The following RNF170 variants were observed in gnomAD, a reference collection of about 807,000 sequenced individuals.
The protein encoded by RNF170 is E3 ubiquitin-protein ligase RNF170.
Under a neutral mutation model 32.7 loss-of-function variants are expected in RNF170, and 12 were observed. The ratio of observed to expected loss-of-function variants is 0.37; its 90% CI spans 0.24 to 0.60. RNF170 has a LOEUF of 0.60. RNF170 is among the 20% of genes least tolerant of loss of function. RNF170 has a pLI of 0.72. For synonymous variants in RNF170, 91 were observed against 103.6 expected, an observed-to-expected ratio of 0.88 and a Z score of 0.74; for missense variants, 212 against 311.2, an observed-to-expected ratio of 0.68 and a Z score of 2.40.
chr8:42,876,898 G>A lies in RNF170; in HGVS notation c.138-2892C>T, dbSNP rs554965798. On this transcript the variant is annotated intron_variant, in intron 2 of 6. Transcript: ENST00000527424. ...TCTCAATCTCCTGACCTCATGATCT[G>A]CCCGCCTTGGACTCCCAAAATGCTG... is the stretch of plus-strand genomic sequence containing the variant. Among the ~76,000 whole-genome samples, 285 of 150,600 alleles carry A rather than the reference G, an allele frequency of 1.9e-3. 2 individuals are homozygous for A. The highest frequency in any genetic ancestry group is 2.1e-3 in the Non-Finnish European group (142 of 67,820).
chr8:42,894,034 G>T (rs1275874945), intron 1 of RNF170, among the ~76,000 whole-genome samples: 1 of 152,162 alleles, frequency 6.6e-6, no homozygotes, highest in African/African-American at 2.4e-5. Flanking sequence ...GGAAATTCCG[G>T]GACTTCCTGG....
rs1458578904 is a variant in RNF170 at position 42,888,778 on chromosome 8, C to G, written c.-7-907G>C. 2.7e-5 allele frequency among the ~76,000 whole-genome samples: 4 copies of G among 147,652 alleles called. No homozygotes were observed. The South Asian group carries it at 8.8e-4, about 33-fold the overall frequency. ...TGTCCCCCGCCCCCCAACCTCCCCA[C>G]CCCCCAACCAAAAACAATAAATAAA... On this transcript the variant is annotated intron_variant, in intron 1 of 6. Coordinates refer to ENST00000527424, the MANE Select transcript of RNF170 (RefSeq NM_030954.4).
At chr8:42,884,893 A>AGG (rs1805691526) in intron 2 of RNF170, among the ~76,000 whole-genome samples, 1 of 1,968 alleles carries the variant, frequency 5.1e-4, no homozygotes. Context: ...GTAGAGACGG[A>AGG]GTTTCATCAT....
Position 42,853,555 on chromosome 8 carries a change from GTTA to G in RNF170, c.*2601_*2603del. The G allele has an allele frequency of 7.8e-7, 1 of 1,287,136 alleles. No homozygotes were observed. Among genetic ancestry groups the G allele is most frequent in the Non-Finnish European group, 1.0e-6 (1 of 988,660 alleles). The allele number at this position is 1,287,136 out of a possible 1,614,324, so 79.7% of individuals were successfully genotyped here. A position where few individuals can be genotyped will look rare whatever the true frequency, so the allele number is the denominator to read the frequency against. ...TCTTGTTCCCCACAGAGCTGCCCAA[GTTA>G]TTATCTGCTCCTGGGGTTGGACCAT... On this transcript the variant is annotated 3_prime_UTR_variant, in exon 7 of 7. Coordinates refer to ENST00000527424, the MANE Select transcript of RNF170 (RefSeq NM_030954.4).
chr8:42,851,488 C>T (rs964385689), downstream of RNF170, among the ~76,000 whole-genome samples: 4 of 151,580 alleles, frequency 2.6e-5, no homozygotes, highest in East Asian at 1.9e-4. Flanking sequence ...TCGCTTGAGC[C>T]CAGGAAGCGG....
Position 42,853,714 on chromosome 8 carries a change from A to G in RNF170, c.*2445T>C. ...AACTCTGATTGACTCTACTTGCTTT[A>G]AAAACTCTCAGATCCCTTCTGCATT... is the stretch of plus-strand genomic sequence containing the variant. On this transcript the variant is annotated 3_prime_UTR_variant, in exon 7 of 7. Coordinates refer to ENST00000527424, the MANE Select transcript of RNF170 (RefSeq NM_030954.4). 8 of 1,287,228 alleles carry G rather than the reference A, an allele frequency of 6.2e-6. No individual in the cohort carries two copies. The highest frequency in any genetic ancestry group is 8.1e-6 in the Non-Finnish European group (8 of 988,682). 79.7% of individuals were successfully genotyped at this position (1,287,228 alleles called of 1,614,324 possible). A position where few individuals can be genotyped will look rare whatever the true frequency, so the allele number is the denominator to read the frequency against.
chr8:42,877,734 A>G (rs1287771695), intron 2 of RNF170, among the ~76,000 whole-genome samples: 1 of 152,228 alleles, frequency 6.6e-6, no homozygotes, highest in African/African-American at 2.4e-5. Context: ...TTCCTTACAT[A>G]TAAGACAAAA....
chr8:42,892,989 A>G (rs1403785897), intron 1 of RNF170, among the ~76,000 whole-genome samples: 2 of 152,178 alleles, frequency 1.3e-5, no homozygotes, highest in Non-Finnish European at 2.9e-5. Context: ...CTTGTCTCAA[A>G]AAACTGCCCA....
At chr8:42,875,142 G>C (rs1360114177) in intron 2 of RNF170, among the ~76,000 whole-genome samples, 1 of 150,610 alleles carries the variant, frequency 6.6e-6, no homozygotes, top group East Asian at 1.9e-4. Flanking sequence ...TTGCACTCCA[G>C]CCTGGGCAAC....
At chr8:42,858,198 C>T (rs1041033466) in intron 6 of RNF170, among the ~76,000 whole-genome samples, 1 of 151,276 alleles carries the variant, frequency 6.6e-6, no homozygotes, top group African/African-American at 2.4e-5. Flanking sequence ...AAGAGGCTCC[C>T]AAATAATTAT....
intron 1 of RNF170, chr8:42,889,541 T>G (rs1806122278): frequency 6.6e-6 from 1 of 152,202 alleles, no homozygotes; most frequent in African/African-American, 2.4e-5. Flanking sequence ...TCAGGTATTT[T>G]GAGTATAGAC....
At position 42,879,514 on chromosome 8, in the gene RNF170, G is replaced by A. The variant is rs545921341; in HGVS notation, c.138-5508C>T. 8.5e-5 allele frequency among the ~76,000 whole-genome samples: 13 copies of A among 152,058 alleles called. No homozygotes were observed. In the South Asian group the frequency reaches 1.5e-3, roughly 17 times the overall value. ...AAAAATACAAAAATTAGCCAAGCAC[G>A]GTGGCACGTGCCTGTAGTCCCAGTT... On this transcript the variant is annotated intron_variant, in intron 2 of 6. Coordinates refer to ENST00000527424, the MANE Select transcript of RNF170 (RefSeq NM_030954.4).
chr8:42,876,328 C>A (rs1804929140), intron 2 of RNF170, among the ~76,000 whole-genome samples: 1 of 151,744 alleles, frequency 6.6e-6, no homozygotes, highest in Non-Finnish European at 1.5e-5. Flanking sequence ...GAACAAATAG[C>A]CCAAGCTGCT....
chr8:42,870,363 C>G (rs1804433549), intron 3 of RNF170, among the ~76,000 whole-genome samples: 1 of 152,200 alleles, frequency 6.6e-6, no homozygotes, highest in Non-Finnish European at 1.5e-5. Context: ...AAGAGTTCAT[C>G]TTTTACTCTA....
At chr8:42,883,642 G>A (rs776139874) in intron 2 of RNF170, among the ~76,000 whole-genome samples, 12 of 151,332 alleles carry the variant, frequency 7.9e-5, no homozygotes, top group Admixed American at 2.6e-4. Flanking sequence ...CACTTTGGGA[G>A]GCCAAGGCAG....
At chr8:42,867,909 A>C (rs1259353674) in intron 4 of RNF170, among the ~76,000 whole-genome samples, 1 of 152,146 alleles carries the variant, frequency 6.6e-6, no homozygotes, top group African/African-American at 2.4e-5. Context: ...TTAGATAGGC[A>C]GAAAACAAGA....
At chr8:42,857,861 C>A (rs558672106) in intron 6 of RNF170, among the ~76,000 whole-genome samples, 1 of 152,120 alleles carries the variant, frequency 6.6e-6, no homozygotes, top group East Asian at 1.9e-4. Flanking sequence ...AGGGTGAAAC[C>A]CCGTCTCTAC....
upstream of RNF170, chr8:42,896,748 A>AGCGGCG (rs570533730): frequency 0.026 from 3,793 of 145,738 alleles, 155 homozygotes; most frequent in African/African-American, 0.087. Flanking sequence ...GCCCGGCGGC[A>AGCGGCG]GCGGCGGCGG....
At chr8:42,872,058 G>T (rs1177556532) in intron 3 of RNF170, among the ~76,000 whole-genome samples, 1 of 152,198 alleles carries the variant, frequency 6.6e-6, no homozygotes, top group Non-Finnish European at 1.5e-5. Context: ...TAACTCACTT[G>T]AATAGCCACA....
Sources: gnomAD v4.1 joint callset for allele counts (sites outside exome capture counted in the v4.1 genomes callset) on GRCh38, gnomAD v4.1.1 for gene constraint, MANE v1.5 for transcripts, NCBI Gene and HGNC (gene_info 2026-07-23, HGNC 2026-07-21) for gene names.